FREM1: variants seen among roughly 807,000 people sequenced by gnomAD.
The protein encoded by FREM1 is FRAS1 related extracellular matrix 1, also known as FRAS1-related extracellular matrix protein 1.
Under a neutral mutation model 210.1 loss-of-function variants are expected in FREM1, and 220 were observed. That is an observed-to-expected ratio of 1.05 (90% CI 0.94 to 1.17). The LOEUF (loss-of-function observed/expected upper bound fraction) is 1.17, where lower values mean the gene tolerates loss of function less well. Ranked by LOEUF, FREM1 falls within the 50% of genes most tolerant of loss-of-function variation. The pLI, the probability that FREM1 is intolerant of heterozygous loss-of-function variation, is 0.00. For missense variants in FREM1, 3,454 were observed against 2,675.5 expected, an observed-to-expected ratio of 1.29 and a Z score of -6.42; for synonymous variants, 1,189 against 980.2, an observed-to-expected ratio of 1.21 and a Z score of -3.98.
chr9:14,837,851 T>G (rs1337494618), intron 10 of FREM1, among the ~76,000 whole-genome samples: 1 of 152,244 alleles, frequency 6.6e-6, no homozygotes, highest in African/African-American at 2.4e-5. Context: ...CTGTAAACTT[T>G]GGCAACAGTC....
chr9:14,825,471 A>C (rs1822173179), intron 10 of FREM1, among the ~76,000 whole-genome samples: 1 of 145,096 alleles, frequency 6.9e-6, no homozygotes, highest in Non-Finnish European at 1.5e-5. Context: ...CTGGATGACA[A>C]GAATGAGACT....
At chr9:14,779,575 A>C in intron 24 of FREM1, 4 of 749,038 alleles carry the variant, frequency 5.3e-6, no homozygotes, top group Admixed American at 6.3e-5. Context: ...AGCTCATCTC[A>C]GGACGGCCAC....
chr9:14,773,674 C>G (rs1848013283), intron 25 of FREM1, among the ~76,000 whole-genome samples: 1 of 149,338 alleles, frequency 6.7e-6, no homozygotes, highest in South Asian at 2.1e-4. Context: ...CAATATATGT[C>G]CAACATTTTC....
At chr9:14,829,306 A>G (rs1008138644) in intron 10 of FREM1, among the ~76,000 whole-genome samples, 1 of 152,292 alleles carries the variant, frequency 6.6e-6, no homozygotes, top group Non-Finnish European at 1.5e-5. Flanking sequence ...AAAAGCTATT[A>G]ATTACTGTCT....
At chr9:14,753,041 T>C (rs1168204613) in intron 29 of FREM1, among the ~76,000 whole-genome samples, 2 of 152,222 alleles carry the variant, frequency 1.3e-5, no homozygotes, top group Non-Finnish European at 2.9e-5. Flanking sequence ...ACTCTTTAGG[T>C]TAATGAGATT....
chr9:14,859,395 T>C lies in FREM1; in HGVS notation c.419A>G (p.Asn140Ser), dbSNP rs758497916. 6.8e-6 allele frequency: 11 copies of C among 1,613,792 alleles called. No homozygotes were observed. The highest frequency in any genetic ancestry group is 5.0e-5 in the Admixed American group (3 of 60,008). Residue 140 changes from asparagine (N) to serine (S), a missense_variant, in exon 4 of 37, where the codon AAT (asparagine) becomes AGT (serine). Physicochemically the swap from Asn to Ser is conservative, Grantham distance 46 (BLOSUM62 1). Coordinates refer to ENST00000380880, the MANE Select transcript of FREM1 (RefSeq NM_001379081.2). ...PDCNIIHMSNNVLEVPEFNGL... is the reference protein window; with the variant it reads ...PDCNIIHMSNSVLEVPEFNGL... ...ATTGAATTCAGGCACCTCCAGCACA[T>C]TGTTACTCATATGGATGATGTTACA...
intron 25 of FREM1, among the ~76,000 whole-genome samples, chr9:14,772,084 C>A (rs1444887201): frequency 1.3e-5 from 2 of 151,334 alleles, no homozygotes; most frequent in Non-Finnish European, 2.9e-5. Context: ...ACCATTTTTT[C>A]CTCTCAAATT....
At chr9:14,766,004 T>C (rs1284562921) in intron 27 of FREM1, among the ~76,000 whole-genome samples, 1 of 152,114 alleles carries the variant, frequency 6.6e-6, no homozygotes, top group Non-Finnish European at 1.5e-5. Context: ...GCGGATCATC[T>C]TGGAGATTCA....
At chr9:14,854,742 C>CA (rs1828408355) in intron 5 of FREM1, among the ~76,000 whole-genome samples, 1 of 151,736 alleles carries the variant, frequency 6.6e-6, no homozygotes, top group African/African-American at 2.4e-5. Flanking sequence ...AAAATTATTC[C>CA]AAAAATAGCT....
At chr9:14,896,790 C>T (rs530699638) in intron 1 of FREM1, among the ~76,000 whole-genome samples, 3 of 152,306 alleles carry the variant, frequency 2.0e-5, no homozygotes, top group South Asian at 4.1e-4. Context: ...TTTCATCAAA[C>T]TCACCAGTAT....
At chr9:14,788,847 A>G (rs1046140208) in intron 23 of FREM1, 72 bp downstream of exon 23, 92 of 1,160,064 alleles carry the variant, frequency 7.9e-5, no homozygotes, top group Non-Finnish European at 1.1e-4. Context: ...AGAGAGAGAA[A>G]GAAACGAATG....
intron 10 of FREM1, among the ~76,000 whole-genome samples, chr9:14,833,216 G>C (rs1823906969): frequency 6.6e-6 from 1 of 152,198 alleles, no homozygotes; most frequent in Non-Finnish European, 1.5e-5. Context: ...CTGATCTTAA[G>C]AGTGGTTTAG....
chr9:14,819,711 T>C (rs891406961), intron 13 of FREM1, among the ~76,000 whole-genome samples: 1 of 152,268 alleles, frequency 6.6e-6, no homozygotes, highest in African/African-American at 2.4e-5. Flanking sequence ...GCATAGCCTG[T>C]ATAGTAGAAT....
chr9:14,886,452 C>G (rs948091056), intron 1 of FREM1, among the ~76,000 whole-genome samples: 1 of 140,758 alleles, frequency 7.1e-6, no homozygotes, highest in African/African-American at 2.6e-5. Flanking sequence ...GGCATTTTAA[C>G]TGAAAATAGC....
chr9:14,766,553 A>T (rs1846446407), intron 27 of FREM1, among the ~76,000 whole-genome samples: 1 of 152,166 alleles, frequency 6.6e-6, no homozygotes, highest in Non-Finnish European at 1.5e-5. Context: ...TCACGAAACA[A>T]GCATTTCCTA....
chr9:14,756,690 T>A (rs1011761410), intron 28 of FREM1, among the ~76,000 whole-genome samples: 1 of 152,348 alleles, frequency 6.6e-6, no homozygotes, highest in Non-Finnish European at 1.5e-5. Context: ...GGTTTTTCCT[T>A]TATAAATGAT....
chr9:14,801,655 T>C lies in FREM1; in HGVS notation c.3691A>G (p.Thr1231Ala), dbSNP rs1173058794. The C allele has an allele frequency of 1.9e-6, 3 of 1,599,706 alleles. No individual in the cohort carries two copies. Among genetic ancestry groups the C allele is most frequent in the East Asian group, 2.2e-5 (1 of 44,808 alleles). Residue 1231 changes from threonine (T) to alanine (A), a missense_variant, in exon 20 of 37, where the codon ACT becomes GCT. By Grantham distance (58) the Thr-to-Ala change is moderately conservative (BLOSUM62 0). Transcript: ENST00000380880. ...ATGGAAGTGGAACATGCTATACCAGTCTTGAGGAGTTCCATGGAAAAGCTG... is the reference window on the plus strand; with the variant it reads ...ATGGAAGTGGAACATGCTATACCAGCCTTGAGGAGTTCCATGGAAAAGCTG... The part of the protein sequence containing the change: ...VHSFSMELLK[T>A]GMRLTYMHDD...
intron 24 of FREM1, 47 bp downstream of exon 24, chr9:14,784,323 A>T: frequency 6.4e-7 from 1 of 1,560,912 alleles, no homozygotes; most frequent in Non-Finnish European, 8.7e-7. Flanking sequence ...CCTTTTCTGT[A>T]AGTATTAATC....
chr9:14,770,242 T>C lies in FREM1; in HGVS notation c.5059+363A>G, dbSNP rs537377684. ...TCCATTAGGAAAAAAACCAAGAACT[T>C]TTAAAAAAAGATCTGACATCATTTA... On this transcript the variant is annotated intron_variant, in intron 26 of 36. Transcript: ENST00000380880. Among the ~76,000 whole-genome samples, 3 of 152,148 alleles carry C rather than the reference T, an allele frequency of 2.0e-5. No individual in the cohort carries two copies. The South Asian group carries it at 6.2e-4, about 32-fold the overall frequency.
Sources: gnomAD v4.1 joint callset for allele counts (sites outside exome capture counted in the v4.1 genomes callset) on GRCh38, gnomAD v4.1.1 for gene constraint, MANE v1.5 for transcripts, NCBI Gene and HGNC (gene_info 2026-07-23, HGNC 2026-07-21) for gene names.